Variants in STXBP5L observed in about 807,000 individuals in gnomAD.
STXBP5L encodes the protein syntaxin binding protein 5L.
STXBP5L carries 65 observed loss-of-function variants against 144.5 expected under a neutral mutation model. That is an observed-to-expected ratio of 0.45 (90% confidence interval 0.37 to 0.55). The LOEUF (loss-of-function observed/expected upper bound fraction) is 0.55, where lower values mean the gene tolerates loss of function less well. Ranked by LOEUF, STXBP5L falls within the 20% of genes least tolerant of loss-of-function variation. The pLI is 0.00. For missense variants in STXBP5L, 1,298 were observed against 1,405.5 expected (o/e 0.92, Z 1.22); for synonymous variants, 505 against 469.6 (o/e 1.08, Z -0.97).
intron 22 of STXBP5L, among the ~76,000 whole-genome samples, chr3:121,389,889 A>G (rs537304966): frequency 6.6e-6 from 1 of 152,262 alleles, no homozygotes; most frequent in Admixed American, 6.5e-5. Flanking sequence ...TGTTCTGTAG[A>G]TGTCTATTAC....
intron 5 of STXBP5L, among the ~76,000 whole-genome samples, chr3:121,076,976 G>A (rs75754730): frequency 0.016 from 2,467 of 152,168 alleles, 61 homozygotes; most frequent in African/African-American, 0.056. Context: ...TGTATGCAGT[G>A]TCCTAGGTCT....
chr3:121,370,537 C>A (rs2045999295), intron 20 of STXBP5L, among the ~76,000 whole-genome samples: 1 of 152,156 alleles, frequency 6.6e-6, no homozygotes, highest in Non-Finnish European at 1.5e-5. Context: ...AAATACCCAG[C>A]CTCAGGTGTG....
chr3:121,150,446 C>G (rs568326382), intron 7 of STXBP5L, among the ~76,000 whole-genome samples: 3 of 152,116 alleles, frequency 2.0e-5, no homozygotes, highest in South Asian at 2.1e-4. Context: ...GGATTCTTTT[C>G]TCTTTTCTAA....
chr3:121,125,732 AG>A (rs1249209961), intron 7 of STXBP5L, among the ~76,000 whole-genome samples: 1 of 152,132 alleles, frequency 6.6e-6, no homozygotes, highest in Non-Finnish European at 1.5e-5. Flanking sequence ...AGCTATTCCC[AG>A]GTCTCTGGCT....
At chr3:121,074,878 A>T (rs1399721133) in intron 5 of STXBP5L, among the ~76,000 whole-genome samples, 1 of 152,170 alleles carries the variant, frequency 6.6e-6, no homozygotes, top group Non-Finnish European at 1.5e-5. Flanking sequence ...GCTGTCCTCC[A>T]ATCACACATC....
intron 9 of STXBP5L, among the ~76,000 whole-genome samples, chr3:121,202,109 G>T (rs2048162234): frequency 1.3e-5 from 2 of 151,938 alleles, no homozygotes; most frequent in South Asian, 4.2e-4. Context: ...ATCTATATGT[G>T]CTGCAAATCC....
At chr3:121,245,099 A>G (rs562296771) in intron 14 of STXBP5L, among the ~76,000 whole-genome samples, 1 of 152,156 alleles carries the variant, frequency 6.6e-6, no homozygotes, top group African/African-American at 2.4e-5. Context: ...AAACAATAAC[A>G]ACATAAAAAT....
At chr3:120,963,043 A>T (rs1939064032) in intron 3 of STXBP5L, among the ~76,000 whole-genome samples, 1 of 152,150 alleles carries the variant, frequency 6.6e-6, no homozygotes, top group Non-Finnish European at 1.5e-5. Flanking sequence ...AGCCGTTGTA[A>T]ATGGGAGTTC....
chr3:120,942,621 T>A (rs1405096712), intron 2 of STXBP5L, among the ~76,000 whole-genome samples: 1 of 151,428 alleles, frequency 6.6e-6, no homozygotes, highest in African/African-American at 2.4e-5. Context: ...GTATAGGTAA[T>A]AGCTACTGAT....
Position 120,969,439 on chromosome 3 carries a change from G to T in STXBP5L, c.287+14402G>T, listed in dbSNP as rs1939989058. On this transcript the variant is annotated intron_variant, in intron 3 of 26. Coordinates refer to ENST00000471454, the MANE Select transcript of STXBP5L (RefSeq NM_001308330.2). ...TGTTAATTTGTTTGAGTTCCTTGTAGATTCTGGATACTAGTCCTTTGTTGG... is the reference window on the plus strand; with the variant it reads ...TGTTAATTTGTTTGAGTTCCTTGTATATTCTGGATACTAGTCCTTTGTTGG... 4.7e-5 allele frequency among the ~76,000 whole-genome samples: 7 copies of T among 148,818 alleles called. No homozygotes were observed. In the South Asian group the frequency reaches 1.5e-3, roughly 32 times the overall value.
At chr3:121,416,829 G>A (rs2047250977) in intron 25 of STXBP5L, among the ~76,000 whole-genome samples, 2 of 151,962 alleles carry the variant, frequency 1.3e-5, no homozygotes, top group Admixed American at 1.3e-4. Context: ...TTAAATAATA[G>A]GAAGATACTA....
intron 5 of STXBP5L, among the ~76,000 whole-genome samples, chr3:121,062,549 G>T (rs1475177565): frequency 6.6e-6 from 1 of 152,036 alleles, no homozygotes; most frequent in Admixed American, 6.6e-5. Context: ...TGTTGGCCTG[G>T]GCCTGTCTTG....
At chr3:121,037,492 A>G (rs534648246) in intron 3 of STXBP5L, among the ~76,000 whole-genome samples, 1 of 152,006 alleles carries the variant, frequency 6.6e-6, no homozygotes, top group Non-Finnish European at 1.5e-5. Context: ...CTGGCCTCAA[A>G]TGATCCTCCT....
At chr3:121,307,439 T>C (rs1028263199) in intron 19 of STXBP5L, among the ~76,000 whole-genome samples, 14 of 152,124 alleles carry the variant, frequency 9.2e-5, no homozygotes, top group African/African-American at 3.4e-4. Context: ...ATGATGACAA[T>C]GTCTCATCAA....
At chr3:121,411,790 A>G (rs975301993) in intron 23 of STXBP5L, among the ~76,000 whole-genome samples, 1 of 152,088 alleles carries the variant, frequency 6.6e-6, no homozygotes, top group African/African-American at 2.4e-5. Flanking sequence ...TGGGGAGCAA[A>G]ACCACTTCAT....
chr3:121,053,355 C>A (rs572673209), intron 5 of STXBP5L, among the ~76,000 whole-genome samples: 18 of 152,254 alleles, frequency 1.2e-4, no homozygotes, highest in Admixed American at 3.3e-4. Flanking sequence ...TACAAGGCTA[C>A]AGTAACCAAA....
chr3:121,013,301 A>T (rs926968616), intron 3 of STXBP5L, among the ~76,000 whole-genome samples: 4 of 152,116 alleles, frequency 2.6e-5, no homozygotes, highest in South Asian at 4.1e-4. Context: ...ACTAATTTGC[A>T]TTCTCACCAA....
At chr3:121,195,146 G>T (rs1485619653) in intron 9 of STXBP5L, among the ~76,000 whole-genome samples, 2 of 151,842 alleles carry the variant, frequency 1.3e-5, no homozygotes, top group South Asian at 2.1e-4. Flanking sequence ...GGATGGTCTC[G>T]ATCTCTTGAC....
At chr3:121,174,294 T>TA (rs1467731426) in intron 9 of STXBP5L, among the ~76,000 whole-genome samples, 1 of 152,172 alleles carries the variant, frequency 6.6e-6, no homozygotes, top group Non-Finnish European at 1.5e-5. Flanking sequence ...TATTTTATGG[T>TA]AGTAAATGAT....
Sources: allele counts gnomAD v4.1 joint callset (sites outside exome capture counted in the v4.1 genomes callset), GRCh38; gene constraint gnomAD v4.1.1; transcripts MANE v1.5; gene names NCBI Gene and HGNC (gene_info 2026-07-23, HGNC 2026-07-21).